The following RALYL variants were observed in gnomAD, a reference collection of about 807,000 sequenced individuals.
RALYL encodes RALY RNA binding protein like.
RALYL carries 29 observed loss-of-function variants against 35.1 expected under a neutral mutation model. The ratio of observed to expected loss-of-function variants is 0.83; its 90% confidence interval spans 0.61 to 1.13. The LOEUF is 1.13. Among genes scored for constraint, RALYL ranks in the 50% most tolerant of loss-of-function variants. The probability of loss-of-function intolerance (pLI) is 0.00; values close to 1 mark genes in which losing one functional copy is unlikely to be tolerated. For missense variants in RALYL, 359 were observed against 360.4 expected, an observed-to-expected ratio of 1.00 and a Z score of 0.03; for synonymous variants, 120 against 127.6, an observed-to-expected ratio of 0.94 and a Z score of 0.40.
At chr8:84,380,372 G>A (rs16912760) in intron 1 of RALYL, among the ~76,000 whole-genome samples, 4,490 of 151,826 alleles carry the variant, frequency 0.03, 215 homozygotes, top group African/African-American at 0.1. Context: ...GGAAATTTCT[G>A]GTCCCTAGTT....
chr8:84,462,754 ACT>A (rs1439031504), intron 1 of RALYL, among the ~76,000 whole-genome samples: 3 of 151,130 alleles, frequency 2.0e-5, no homozygotes, highest in African/African-American at 4.9e-5. Flanking sequence ...TTCTCTCTCT[ACT>A]CTGTTTCCTC....
intron 1 of RALYL, among the ~76,000 whole-genome samples, chr8:84,311,569 A>G (rs977450332): frequency 6.6e-6 from 1 of 152,176 alleles, no homozygotes; most frequent in Non-Finnish European, 1.5e-5. Context: ...ATGGACATGG[A>G]AGACTGAACT....
chr8:84,705,014 T>C (rs1241185036), intron 2 of RALYL, among the ~76,000 whole-genome samples: 1 of 152,224 alleles, frequency 6.6e-6, no homozygotes, highest in Non-Finnish European at 1.5e-5. Flanking sequence ...AATTTTTCAC[T>C]AGCATGTGGG....
chr8:84,392,254 A>G (rs1054496910), intron 1 of RALYL, among the ~76,000 whole-genome samples: 6 of 152,060 alleles, frequency 3.9e-5, no homozygotes, highest in African/African-American at 1.4e-4. Context: ...AAGGAAAAAA[A>G]ATCTGGATAA....
At chr8:84,467,457 G>C (rs1274035077) in intron 1 of RALYL, among the ~76,000 whole-genome samples, 1 of 151,968 alleles carries the variant, frequency 6.6e-6, no homozygotes, top group African/African-American at 2.4e-5. Flanking sequence ...GCAGCTTTGA[G>C]TGGGATTCTT....
chr8:84,557,632 C>T (rs921195105), intron 2 of RALYL, among the ~76,000 whole-genome samples: 1 of 152,058 alleles, frequency 6.6e-6, no homozygotes, highest in South Asian at 2.1e-4. Context: ...ACATAGCCAC[C>T]TTTTAATTGT....
rs553131857 is a variant in RALYL at position 84,200,450 on chromosome 8, A to G, written c.-24+16026A>G. On this transcript the variant is annotated intron_variant, in intron 1 of 8. Transcript: ENST00000521268. ...ACTTATATCTAATTTAGGATATTTT[A>G]TATAGATTTTCATTAAAAGGAAGTG... 2.8e-3 allele frequency among the ~76,000 whole-genome samples: 426 copies of G among 152,260 alleles called. 3 individuals carry two copies. Among genetic ancestry groups the G allele is most frequent in the African/African-American group, 1.0e-2 (414 of 41,572 alleles).
At chr8:84,266,914 C>T (rs961358071) in intron 1 of RALYL, among the ~76,000 whole-genome samples, 3 of 146,938 alleles carry the variant, frequency 2.0e-5, no homozygotes, top group African/African-American at 5.1e-5. Context: ...GAGCCGAGAT[C>T]GCGCCACTGC....
chr8:84,854,656 G>T (rs904498143), intron 5 of RALYL, among the ~76,000 whole-genome samples: 4 of 152,140 alleles, frequency 2.6e-5, no homozygotes, highest in African/African-American at 9.7e-5. Context: ...GTATAACAGG[G>T]CTAATTGCAT....
At chr8:84,663,600 T>G (rs1440876163) in intron 2 of RALYL, among the ~76,000 whole-genome samples, 1 of 152,238 alleles carries the variant, frequency 6.6e-6, no homozygotes, top group Non-Finnish European at 1.5e-5. Flanking sequence ...TCATGTTTGT[T>G]GGCTGCATGC....
intron 1 of RALYL, among the ~76,000 whole-genome samples, chr8:84,308,337 T>C (rs1842200014): frequency 6.6e-6 from 1 of 152,102 alleles, no homozygotes; most frequent in African/African-American, 2.4e-5. Flanking sequence ...TATGGAGACA[T>C]AAGAGACTTA....
intron 1 of RALYL, among the ~76,000 whole-genome samples, chr8:84,397,950 TGC>T (rs1454425525): frequency 1.3e-5 from 2 of 152,232 alleles, no homozygotes; most frequent in Non-Finnish European, 2.9e-5. Context: ...CTTTCTTCAC[TGC>T]CATCTTTCTT....
chr8:84,424,865 G>A (rs957662938), intron 1 of RALYL, among the ~76,000 whole-genome samples: 14 of 151,640 alleles, frequency 9.2e-5, no homozygotes, highest in Non-Finnish European at 1.5e-5. Flanking sequence ...GCTGCTCGGG[G>A]GTCAGGGGTC....
chr8:84,774,489 T>C, intron 2 of RALYL, 90 bp from the exon 3 acceptor site: 1 of 832,362 alleles, frequency 1.2e-6, no homozygotes, highest in East Asian at 2.7e-5. Context: ...CATAAACAAA[T>C]AGTAAAAAGA....
chr8:84,236,659 A>G (rs1319432650), intron 1 of RALYL, among the ~76,000 whole-genome samples: 2 of 152,182 alleles, frequency 1.3e-5, no homozygotes, highest in African/African-American at 2.4e-5. Context: ...TGTGCCAGAC[A>G]CAGACATTGT....
chr8:84,563,790 A>G (rs2061609162), intron 2 of RALYL, among the ~76,000 whole-genome samples: 1 of 151,748 alleles, frequency 6.6e-6, no homozygotes, highest in African/African-American at 2.4e-5. Flanking sequence ...TTCTATATGT[A>G]TTTGGGGTTT....
intron 1 of RALYL, among the ~76,000 whole-genome samples, chr8:84,285,493 A>G (rs1210276449): frequency 2.0e-5 from 3 of 152,132 alleles, no homozygotes; most frequent in Non-Finnish European, 4.4e-5. Context: ...AAAATTATAT[A>G]GTGTGATGGA....
At chr8:84,615,570 CTTTTTTT>C (rs60428128) in intron 2 of RALYL, among the ~76,000 whole-genome samples, 7 of 67,364 alleles carry the variant, frequency 1.0e-4, no homozygotes, top group Non-Finnish European at 1.9e-4. Flanking sequence ...GAACTTTCGT[CTTTTTTT>C]TTTTTTTTTT....
At chr8:84,911,965 C>A (rs1443325828) in intron 8 of RALYL, among the ~76,000 whole-genome samples, 1 of 152,064 alleles carries the variant, frequency 6.6e-6, no homozygotes, top group Non-Finnish European at 1.5e-5. Flanking sequence ...CTCCTCCTGG[C>A]GTGTGGCTAT....
Sources: allele counts gnomAD v4.1 joint callset (sites outside exome capture counted in the v4.1 genomes callset), GRCh38; gene constraint gnomAD v4.1.1; transcripts MANE v1.5; gene names NCBI Gene and HGNC (gene_info 2026-07-23, HGNC 2026-07-21).